Variants in FBXO25 observed in about 807,000 individuals in gnomAD.
FBXO25 encodes the protein F-box protein 25, also known as F-box only protein 25.
A neutral mutation model predicts 51.9 loss-of-function variants in FBXO25; 45 were observed. The observed-to-expected ratio is 0.87, with a 90% CI of 0.68 to 1.11. The LOEUF (loss-of-function observed/expected upper bound fraction) is 1.11. Ranked by LOEUF, FBXO25 falls within the 50% of genes most tolerant of loss-of-function variation. FBXO25 has a pLI of 0.00. For synonymous variants in FBXO25, 199 were observed against 151.0 expected, an observed-to-expected ratio of 1.32 and a Z score of -2.33; for missense variants, 507 against 428.5, an observed-to-expected ratio of 1.18 and a Z score of -1.62.
chr8:468,059 C>G, intron 9 of FBXO25: 2 of 1,191,240 alleles, frequency 1.7e-6, no homozygotes, highest in Non-Finnish European at 2.1e-6. Context: ...AGATCCAGCA[C>G]TGACCCCAGA....
At chr8:407,327 G>C (rs969600429) in intron 1 of FBXO25, 4 of 973,856 alleles carry the variant, frequency 4.1e-6, no homozygotes, top group Non-Finnish European at 3.7e-6. Context: ...GGGCGCGTCA[G>C]GTGGGGACGG....
chr8:441,189 C>T (rs1488312652), intron 5 of FBXO25, among the ~76,000 whole-genome samples: 3 of 152,072 alleles, frequency 2.0e-5, no homozygotes, highest in Admixed American at 6.6e-5. Context: ...TGGAACAGAA[C>T]AGAGGCCTCA....
intron 7 of FBXO25, among the ~76,000 whole-genome samples, chr8:457,639 T>C (rs1371216961): frequency 1.3e-5 from 2 of 152,216 alleles, no homozygotes; most frequent in Non-Finnish European, 2.9e-5. Context: ...TTAATAATTA[T>C]ACATCCTTTA....
In FBXO25 at chr8:470,155, C is replaced by G. The variant is rs1349754915; in HGVS notation, c.*1351C>G. The G allele has an allele frequency of 6.6e-6, 1 of 152,104 alleles. No individual in the cohort carries two copies. Among genetic ancestry groups the G allele is most frequent in the Non-Finnish European group, 1.5e-5 (1 of 68,028 alleles). 9.4% of individuals were successfully genotyped at this position (152,104 alleles called of 1,614,324 possible). On this transcript the variant is annotated 3_prime_UTR_variant, in exon 10 of 10. Transcript: ENST00000350302. ...TTGGCTTTTATTAGCTCCACAGAAT[C>G]ACCCAGATGGAACAGGCTTTTTCAT...
At chr8:413,657 C>A (rs1450117911) in intron 2 of FBXO25, among the ~76,000 whole-genome samples, 1 of 152,164 alleles carries the variant, frequency 6.6e-6, no homozygotes, top group Non-Finnish European at 1.5e-5. Context: ...GTCGCTCTGC[C>A]ATCCCAAGAG....
intron 5 of FBXO25, among the ~76,000 whole-genome samples, chr8:442,701 C>A (rs936303982): frequency 1.3e-5 from 2 of 152,108 alleles, no homozygotes; most frequent in Non-Finnish European, 2.9e-5. Context: ...AACTCCTGAC[C>A]TCAGGTGATC....
chr8:415,409 A>G (rs1231939174), intron 2 of FBXO25, among the ~76,000 whole-genome samples: 1 of 152,240 alleles, frequency 6.6e-6, no homozygotes, highest in Non-Finnish European at 1.5e-5. Context: ...TTCAAGCAAC[A>G]TTCATGATAT....
At chr8:466,445 G>T (rs1800166038) in intron 9 of FBXO25, among the ~76,000 whole-genome samples, 1 of 152,234 alleles carries the variant, frequency 6.6e-6, no homozygotes, top group Non-Finnish European at 1.5e-5. Flanking sequence ...CTCAGAAAAT[G>T]GCACTTAGGG....
intron 5 of FBXO25, among the ~76,000 whole-genome samples, chr8:445,158 A>C (rs191329853): frequency 6.6e-6 from 1 of 152,178 alleles, no homozygotes; most frequent in Non-Finnish European, 1.5e-5. Context: ...TCTCACCTCT[A>C]TGCTTACCTA....
At chr8:422,149 G>A (rs756384707) in intron 2 of FBXO25, among the ~76,000 whole-genome samples, 1 of 152,182 alleles carries the variant, frequency 6.6e-6, no homozygotes, top group East Asian at 1.9e-4. Flanking sequence ...TATCTGCCAA[G>A]TCTCCCCCCA....
intron 2 of FBXO25, among the ~76,000 whole-genome samples, chr8:419,371 A>C (rs964725405): frequency 1.1e-4 from 17 of 152,286 alleles, no homozygotes; most frequent in African/African-American, 2.4e-4. Context: ...CTCCATCTCA[A>C]AAAGAAAAAA....
chr8:468,369 A>G, intron 9 of FBXO25: 2 of 727,690 alleles, frequency 2.7e-6, no homozygotes, highest in Non-Finnish European at 3.4e-6. Flanking sequence ...GGACCAGAGG[A>G]CAGAAAGTCC....
intron 2 of FBXO25, among the ~76,000 whole-genome samples, chr8:427,041 C>G (rs11997205): frequency 0.025 from 3,812 of 151,830 alleles, 128 homozygotes; most frequent in African/African-American, 0.087. Context: ...AGCTTTATAT[C>G]AGGAAAATGG....
rs1231440591 is a variant in FBXO25 at position 475,680 on chromosome 8, A to G, written c.*6876A>G. On this transcript the variant is annotated 3_prime_UTR_variant, in exon 10 of 10. Coordinates refer to ENST00000350302, the MANE Select transcript of FBXO25 (RefSeq NM_183420.2). Reference sequence around the variant, plus strand: ...TTTCAGTTTTTTTGTTACTATTATAATGGAATTTTCTTAAATTTCCTTTTG... The same window carrying G: ...TTTCAGTTTTTTTGTTACTATTATAGTGGAATTTTCTTAAATTTCCTTTTG... 3 of 152,144 alleles carry G rather than the reference A, an allele frequency of 2.0e-5. No individual in the cohort carries two copies. In the South Asian group the frequency reaches 6.2e-4, roughly 31 times the overall value. The allele number at this position is 152,144 out of a possible 1,614,324, so 9.4% of individuals were successfully genotyped here.
chr8:463,240 C>G, intron 9 of FBXO25, 90 bp downstream of exon 9: 1 of 1,379,704 alleles, frequency 7.2e-7, no homozygotes, highest in Admixed American at 2.1e-5. Context: ...GACTAAAAAG[C>G]GGAAAATACT....
At chr8:458,615 C>G in intron 8 of FBXO25, 64 bp downstream of exon 8, 3 of 1,469,164 alleles carry the variant, frequency 2.0e-6, no homozygotes, top group African/African-American at 1.4e-5. Flanking sequence ...GGGGGCCATA[C>G]CCTATAAACT....
At chr8:436,686 T>C (rs1179859667) in intron 5 of FBXO25, among the ~76,000 whole-genome samples, 3 of 152,064 alleles carry the variant, frequency 2.0e-5, no homozygotes, top group Non-Finnish European at 4.4e-5. Context: ...GATGATGAAA[T>C]GCAGATTTGA....
chr8:412,102 G>A (rs201998988), intron 1 of FBXO25, among the ~76,000 whole-genome samples: 167 of 152,308 alleles, frequency 1.1e-3, no homozygotes, highest in Non-Finnish European at 2.1e-3. Flanking sequence ...AATTGTGAGC[G>A]TCATGAAGTT....
intron 5 of FBXO25, among the ~76,000 whole-genome samples, chr8:439,239 C>G (rs1798278164): frequency 6.6e-6 from 1 of 152,182 alleles, no homozygotes; most frequent in Non-Finnish European, 1.5e-5. Flanking sequence ...ACAGCCTGCC[C>G]CCTCGCCCCT....
Sources: allele counts gnomAD v4.1 joint callset (sites outside exome capture counted in the v4.1 genomes callset), GRCh38; gene constraint gnomAD v4.1.1; transcripts MANE v1.5; gene names NCBI Gene and HGNC (gene_info 2026-07-23, HGNC 2026-07-21).